MECOM: variants seen among roughly 807,000 people sequenced by gnomAD.
MECOM encodes histone-lysine N-methyltransferase MECOM.
In MECOM, 13 loss-of-function variants were observed where a neutral mutation model predicts 116.3. That is an observed-to-expected ratio of 0.11 (90% CI 0.07 to 0.18). The LOEUF (loss-of-function observed/expected upper bound fraction) is 0.18. Ranked by LOEUF, MECOM falls within the 10% of genes least tolerant of loss-of-function variation. The pLI, the probability that MECOM is intolerant of heterozygous loss-of-function variation, is 1.00. For synonymous variants in MECOM, 528 were observed against 535.2 expected, an observed-to-expected ratio of 0.99 and a Z score of 0.19; for missense variants, 1,299 against 1,509.0, an observed-to-expected ratio of 0.86 and a Z score of 2.31.
chr3:169,105,724 AT>A (rs1309812306), intron 10 of MECOM, among the ~76,000 whole-genome samples: 1 of 152,088 alleles, frequency 6.6e-6, no homozygotes, highest in Non-Finnish European at 1.5e-5. Flanking sequence ...ATTTACATAT[AT>A]AATAGTTGAT....
chr3:169,569,640 C>A (rs1340633985), intron 1 of MECOM, among the ~76,000 whole-genome samples: 1 of 152,176 alleles, frequency 6.6e-6, no homozygotes, highest in African/African-American at 2.4e-5. Context: ...GTCTCTCAGA[C>A]CACAGTGCAA....
At chr3:169,488,210 T>C (rs1013669714) in intron 1 of MECOM, among the ~76,000 whole-genome samples, 3 of 151,790 alleles carry the variant, frequency 2.0e-5, no homozygotes, top group African/African-American at 4.8e-5. Context: ...TGATCAAACA[T>C]ATATAGAAGT....
At chr3:169,563,165 G>A in intron 1 of MECOM, among the ~76,000 whole-genome samples, 1 of 151,516 alleles carries the variant, frequency 6.6e-6, no homozygotes, top group East Asian at 1.9e-4. Context: ...TTATTCTTTT[G>A]TTCCAGCAGA....
chr3:169,582,291 G>C (rs1370414922), intron 1 of MECOM, among the ~76,000 whole-genome samples: 4 of 151,158 alleles, frequency 2.6e-5, no homozygotes, highest in Non-Finnish European at 5.9e-5. Context: ...AGAAAGGAAA[G>C]GACTAAATAA....
chr3:169,296,432 C>T (rs888765912), intron 2 of MECOM, among the ~76,000 whole-genome samples: 1 of 152,212 alleles, frequency 6.6e-6, no homozygotes, highest in South Asian at 2.1e-4. Context: ...CTGCAATAAA[C>T]TTGCTCTGTA....
chr3:169,196,247 A>AC (rs1457391322), intron 2 of MECOM, among the ~76,000 whole-genome samples: 4 of 152,022 alleles, frequency 2.6e-5, no homozygotes, highest in Non-Finnish European at 5.9e-5. Context: ...TGATGCTCAG[A>AC]CATTCTATAT....
intron 2 of MECOM, among the ~76,000 whole-genome samples, chr3:169,354,072 A>G (rs1726844116): frequency 6.6e-6 from 1 of 151,942 alleles, no homozygotes; most frequent in South Asian, 2.1e-4. Flanking sequence ...GTTATTACAT[A>G]ACAACGTGAG....
chr3:169,228,793 G>A lies in MECOM; in HGVS notation c.376-84961C>T, dbSNP rs116259293. On this transcript the variant is annotated intron_variant, in intron 2 of 16. Coordinates refer to ENST00000651503, the MANE Select transcript of MECOM (RefSeq NM_004991.4). The stretch of plus-strand genomic sequence containing the variant: ...ATTGCCAAGTTGGACAGCATTAGAC[G>A]GAGCTGTTCTGGAGTTAGAAGGATA... Among the ~76,000 whole-genome samples the A allele has an allele frequency of 2.8e-3, 428 of 152,212 alleles. 1 individual carries two copies. Among genetic ancestry groups the A allele is most frequent in the Middle Eastern group, 0.01 (3 of 294 alleles).
intron 1 of MECOM, among the ~76,000 whole-genome samples, chr3:169,482,328 C>CTTTTTTTTTTTTTCTTTT (rs1751421214): frequency 9.2e-6 from 1 of 108,396 alleles, no homozygotes; most frequent in Admixed American, 1.1e-4. Flanking sequence ...AACCCACGTT[C>CTTTTTTTTTTTTTCTTTT]TTTTTTTTTT....
intron 1 of MECOM, among the ~76,000 whole-genome samples, chr3:169,564,014 A>G (rs1235943392): frequency 6.6e-6 from 1 of 152,188 alleles, no homozygotes; most frequent in African/African-American, 2.4e-5. Context: ...CTACCATAAT[A>G]TATAGTGGTT....
At position 169,510,366 on chromosome 3, in the gene MECOM, A is replaced by T. The variant is rs796822910; in HGVS notation, c.38-128842T>A. ...TTTTGAGCCTCTTTGCTTTTTTCTC[A>T]TACTTGTTCTAAGGTTTATCAGAGG... On this transcript the variant is annotated intron_variant, in intron 1 of 16. Coordinates refer to ENST00000651503, the MANE Select transcript of MECOM (RefSeq NM_004991.4). Among the ~76,000 whole-genome samples the T allele has an allele frequency of 2.6e-5, 4 of 152,108 alleles. No individual in the cohort carries two copies. In the South Asian group the frequency reaches 8.3e-4, roughly 32 times the overall value.
chr3:169,200,302 C>A (rs1748977824), intron 2 of MECOM, among the ~76,000 whole-genome samples: 2 of 152,068 alleles, frequency 1.3e-5, no homozygotes, highest in Admixed American at 1.3e-4. Flanking sequence ...TAGCACAGTT[C>A]TTAAATCAAA....
intron 2 of MECOM, among the ~76,000 whole-genome samples, chr3:169,270,088 C>T (rs866717435): frequency 3.9e-5 from 6 of 151,950 alleles, no homozygotes; most frequent in Admixed American, 1.3e-4. Flanking sequence ...CATATTCAAA[C>T]GCACTCAACA....
In MECOM at chr3:169,663,507, T is replaced by C; in HGVS notation, c.-135A>G. The C allele has an allele frequency of 1.5e-6, 1 of 672,608 alleles. No individual in the cohort carries two copies. Among genetic ancestry groups the C allele is most frequent in the South Asian group, 1.8e-5 (1 of 54,468 alleles). The allele number at this position is 672,608 out of a possible 1,614,324, so 41.7% of individuals were successfully genotyped here. ...CTCTCTCTCTCTCTCTCTCTCTCTCTCTCTCTCTCTCTCTCTCTCTCTCCC... is the reference window on the plus strand; with the variant it reads ...CTCTCTCTCTCTCTCTCTCTCTCTCCCTCTCTCTCTCTCTCTCTCTCTCCC... On this transcript the variant is annotated 5_prime_UTR_variant, in exon 1 of 17. Transcript: ENST00000651503.
At chr3:169,393,087 G>A (rs1416231373) in intron 1 of MECOM, among the ~76,000 whole-genome samples, 2 of 152,102 alleles carry the variant, frequency 1.3e-5, no homozygotes, top group African/African-American at 2.4e-5. Context: ...AAAGGGCCCA[G>A]AAGTTCTATT....
chr3:169,450,975 C>T (rs1191744949), intron 1 of MECOM, among the ~76,000 whole-genome samples: 2 of 152,112 alleles, frequency 1.3e-5, no homozygotes, highest in Non-Finnish European at 2.9e-5. Flanking sequence ...GTTTTCCATT[C>T]AATATTATTT....
At chr3:169,291,305 AG>A (rs1714509305) in intron 2 of MECOM, among the ~76,000 whole-genome samples, 1 of 152,218 alleles carries the variant, frequency 6.6e-6, no homozygotes. Context: ...CTATCAAGGA[AG>A]AACTGAGTTC....
intron 1 of MECOM, among the ~76,000 whole-genome samples, chr3:169,595,198 G>T (rs1162608779): frequency 6.6e-6 from 1 of 152,058 alleles, no homozygotes; most frequent in Non-Finnish European, 1.5e-5. Context: ...GCTTACTTTT[G>T]TCTACTAATG....
At chr3:169,402,457 G>A (rs1439391693) in intron 1 of MECOM, among the ~76,000 whole-genome samples, 2 of 152,024 alleles carry the variant, frequency 1.3e-5, no homozygotes, top group African/African-American at 4.8e-5. Context: ...GGGGATGGTA[G>A]GAAAAAAATT....
Sources: allele counts gnomAD v4.1 joint callset (sites outside exome capture counted in the v4.1 genomes callset), GRCh38; gene constraint gnomAD v4.1.1; transcripts MANE v1.5; gene names NCBI Gene and HGNC (gene_info 2026-07-23, HGNC 2026-07-21).